The following ASTN2 variants were observed in gnomAD, a reference collection of about 807,000 sequenced individuals.
ASTN2 encodes the protein astrotactin 2.
Under a neutral mutation model 139.8 loss-of-function variants are expected in ASTN2, and 54 were observed. The observed-to-expected ratio is 0.39, with a 90% CI of 0.31 to 0.48. The LOEUF is 0.48. Ranked by LOEUF, ASTN2 falls within the 20% of genes least tolerant of loss-of-function variation. The probability of loss-of-function intolerance (pLI) is 0.95; values close to 1 mark genes in which losing one functional copy is unlikely to be tolerated. For missense variants in ASTN2, 1,565 were observed against 1,725.1 expected, an observed-to-expected ratio of 0.91 and a Z score of 1.64; for synonymous variants, 756 against 719.5, an observed-to-expected ratio of 1.05 and a Z score of -0.81.
chr9:116,930,968 G>C (rs1385079909), intron 10 of ASTN2, among the ~76,000 whole-genome samples: 1 of 151,734 alleles, frequency 6.6e-6, no homozygotes, highest in Non-Finnish European at 1.5e-5. Flanking sequence ...TCAACTTCTG[G>C]GTTACTGACC....
chr9:117,185,149 G>A (rs1346151743), intron 3 of ASTN2, among the ~76,000 whole-genome samples: 1 of 152,086 alleles, frequency 6.6e-6, no homozygotes, highest in African/African-American at 2.4e-5. Flanking sequence ...ATAGACTAGT[G>A]TGTCTATAAA....
chr9:117,276,463 G>A (rs1336538407), intron 2 of ASTN2, among the ~76,000 whole-genome samples: 1 of 152,160 alleles, frequency 6.6e-6, no homozygotes, highest in Non-Finnish European at 1.5e-5. Flanking sequence ...GACAGCCTCT[G>A]GTGACTTTAC....
intron 7 of ASTN2, among the ~76,000 whole-genome samples, chr9:116,998,655 A>G (rs1282946256): frequency 6.6e-6 from 1 of 152,216 alleles, no homozygotes; most frequent in Non-Finnish European, 1.5e-5. Context: ...AGATACAGCA[A>G]TAAACAAGGT....
chr9:116,825,360 TAGACACCTAATA>T (rs1831597655), intron 11 of ASTN2, among the ~76,000 whole-genome samples: 1 of 152,158 alleles, frequency 6.6e-6, no homozygotes, highest in Non-Finnish European at 1.5e-5. Context: ...TGGTACATAA[TAGACACCTAATA>T]AATGAAGAAT....
intron 13 of ASTN2, among the ~76,000 whole-genome samples, chr9:116,803,028 C>T (rs575323792): frequency 2.0e-5 from 3 of 152,274 alleles, no homozygotes; most frequent in East Asian, 3.9e-4. Flanking sequence ...TGGAAACCAT[C>T]GTCTTTCCTT....
intron 10 of ASTN2, among the ~76,000 whole-genome samples, chr9:116,966,295 G>A (rs1365356728): frequency 6.6e-6 from 1 of 152,168 alleles, no homozygotes; most frequent in Non-Finnish European, 1.5e-5. Context: ...CTGCATGTAA[G>A]ATAGAAGCTT....
chr9:116,997,040 C>T (rs964411629), intron 7 of ASTN2, among the ~76,000 whole-genome samples: 21 of 152,124 alleles, frequency 1.4e-4, no homozygotes, highest in Admixed American at 3.3e-4. Flanking sequence ...CTGAGGCTAC[C>T]TTCTTCCTAT....
At chr9:116,680,758 A>T (rs1859805528) in intron 16 of ASTN2, among the ~76,000 whole-genome samples, 2 of 152,248 alleles carry the variant, frequency 1.3e-5, no homozygotes, top group Admixed American at 6.5e-5. Context: ...ATATAAACAG[A>T]ACCAAAGACA....
chr9:116,813,809 C>A (rs1363057467), intron 12 of ASTN2, among the ~76,000 whole-genome samples: 1 of 151,888 alleles, frequency 6.6e-6, no homozygotes, highest in African/African-American at 2.4e-5. Context: ...CTGAGACTGG[C>A]GGATCACCTG....
intron 17 of ASTN2, among the ~76,000 whole-genome samples, chr9:116,632,186 G>A (rs1405350428): frequency 0.015 from 175 of 11,378 alleles, 5 homozygotes; most frequent in East Asian, 0.11. Flanking sequence ...GAGAGAGAGG[G>A]AGAGAGAGAG....
At chr9:116,609,883 T>C (rs1472010996) in intron 19 of ASTN2, among the ~76,000 whole-genome samples, 1 of 152,100 alleles carries the variant, frequency 6.6e-6, no homozygotes, top group Non-Finnish European at 1.5e-5. Flanking sequence ...TAGTATTATA[T>C]CACTTGAAGG....
intron 16 of ASTN2, among the ~76,000 whole-genome samples, chr9:116,688,830 G>A (rs1375465958): frequency 6.6e-6 from 1 of 152,048 alleles, no homozygotes; most frequent in Non-Finnish European, 1.5e-5. Context: ...GGCTCTGTGA[G>A]TGAGGTGTTT....
chr9:117,287,672 A>T (rs937650283), intron 2 of ASTN2, among the ~76,000 whole-genome samples: 1 of 152,332 alleles, frequency 6.6e-6, no homozygotes, highest in South Asian at 2.1e-4. Flanking sequence ...AATACTCAAA[A>T]TAAATGTCAG....
At chr9:116,473,286 C>T (rs1310665951) in intron 20 of ASTN2, among the ~76,000 whole-genome samples, 1 of 152,100 alleles carries the variant, frequency 6.6e-6, no homozygotes, top group East Asian at 1.9e-4. Flanking sequence ...AGTGCCAGGC[C>T]ATATGTTATG....
intron 16 of ASTN2, among the ~76,000 whole-genome samples, chr9:116,702,076 C>T (rs1161511680): frequency 6.6e-6 from 1 of 152,074 alleles, no homozygotes; most frequent in Non-Finnish European, 1.5e-5. Context: ...TGTGAATCTA[C>T]AGAATACTTT....
At chr9:116,849,627 C>A (rs1289232906) in intron 11 of ASTN2, among the ~76,000 whole-genome samples, 3 of 152,206 alleles carry the variant, frequency 2.0e-5, no homozygotes, top group African/African-American at 7.2e-5. Context: ...ACCTGTACAG[C>A]TTGATACCAA....
intron 10 of ASTN2, among the ~76,000 whole-genome samples, chr9:116,907,822 A>T (rs955511810): frequency 1.3e-5 from 2 of 152,176 alleles, no homozygotes; most frequent in Non-Finnish European, 2.9e-5. Flanking sequence ...CCTATGCTGC[A>T]GGACGTGGGT....
intron 2 of ASTN2, among the ~76,000 whole-genome samples, chr9:117,229,257 C>T (rs1040336306): frequency 6.6e-6 from 1 of 152,130 alleles, no homozygotes; most frequent in Non-Finnish European, 1.5e-5. Flanking sequence ...ACGCTCCCCG[C>T]CCCCAAGCCC....
At chr9:117,179,534 T>C (rs1399587723) in intron 3 of ASTN2, among the ~76,000 whole-genome samples, 1 of 152,148 alleles carries the variant, frequency 6.6e-6, no homozygotes, top group Non-Finnish European at 1.5e-5. Flanking sequence ...GGATTAGCAA[T>C]ATTCTTCTGG....
Sources: gnomAD v4.1 joint callset for allele counts (sites outside exome capture counted in the v4.1 genomes callset) on GRCh38, gnomAD v4.1.1 for gene constraint, MANE v1.5 for transcripts, NCBI Gene and HGNC (gene_info 2026-07-23, HGNC 2026-07-21) for gene names.